The following IFT57 variants were observed in gnomAD, a reference collection of about 807,000 sequenced individuals.
IFT57 encodes intraflagellar transport protein 57 homolog.
A neutral mutation model predicts 56.8 loss-of-function variants in IFT57; 59 were observed. The observed-to-expected ratio is 1.04, with a 90% CI of 0.84 to 1.29. IFT57 has a LOEUF of 1.29. IFT57 is among the 50% of genes most tolerant of loss of function. The pLI, the probability that IFT57 is intolerant of heterozygous loss-of-function variation, is 0.00. For synonymous variants in IFT57, 209 were observed against 186.1 expected (o/e 1.12, Z -1.00); for missense variants, 470 against 522.1 (o/e 0.90, Z 0.97).
intron 3 of IFT57, among the ~76,000 whole-genome samples, chr3:108,217,694 G>A (rs2080380195): frequency 6.7e-6 from 1 of 149,946 alleles, no homozygotes; most frequent in Admixed American, 6.7e-5. Flanking sequence ...GTGTGTGTGT[G>A]TATATAATCT....
In IFT57 at chr3:108,206,714, T is replaced by A. The variant is rs534508620; in HGVS notation, c.586-18A>T. The A allele has an allele frequency of 2.0e-5, 18 of 905,350 alleles. No individual in the cohort carries two copies. The South Asian group carries it at 5.0e-4, about 25-fold the overall frequency. The allele number at this position is 905,350 out of a possible 1,614,324, so 56.1% of individuals were successfully genotyped here. ...TCTTCTTCCTTAGAAAATAAATTTTTAAAAAATTATTAAAAATTATAATTA... is the reference window on the plus strand; with the variant it reads ...TCTTCTTCCTTAGAAAATAAATTTTAAAAAAATTATTAAAAATTATAATTA... On this transcript the variant is annotated intron_variant, in intron 4 of 10. Transcript: ENST00000264538.
intron 9 of IFT57, among the ~76,000 whole-genome samples, chr3:108,164,920 T>C (rs1398617177): frequency 1.3e-5 from 2 of 152,048 alleles, no homozygotes; most frequent in East Asian, 1.9e-4. Context: ...TATCAGGTCC[T>C]ACCTCTCTTG....
intron 1 of IFT57, among the ~76,000 whole-genome samples, chr3:108,220,690 C>T (rs1213415640): frequency 3.0e-5 from 4 of 135,296 alleles, no homozygotes; most frequent in South Asian, 5.1e-4. Context: ...CCATCAGAAT[C>T]ATCTGGAAGG....
intron 6 of IFT57, among the ~76,000 whole-genome samples, chr3:108,176,436 A>C (rs2080124421): frequency 6.6e-6 from 1 of 151,848 alleles, no homozygotes; most frequent in Non-Finnish European, 1.5e-5. Context: ...TAGGTTTTCT[A>C]TTACATCAAG....
At position 108,191,491 on chromosome 3, in the gene IFT57, T is replaced by C. The variant is rs371760728; in HGVS notation, c.777+30A>G. On this transcript the variant is annotated intron_variant, in intron 6 of 10. Transcript: ENST00000264538. ...AAGTTTCCTTATAACTTTTTTTTTTTTTTAAGAAAATGTGTTCCCACTTTG... is the reference window on the plus strand; with the variant it reads ...AAGTTTCCTTATAACTTTTTTTTTTCTTTAAGAAAATGTGTTCCCACTTTG... The C allele has an allele frequency of 6.6e-6, 10 of 1,522,570 alleles. No homozygotes were observed. The African/African-American group carries it at 1.4e-4, about 22-fold the overall frequency. The allele number at this position is 1,522,570 out of a possible 1,614,324, so 94.3% of individuals were successfully genotyped here. A position where few individuals can be genotyped will look rare whatever the true frequency, so the allele number is the denominator to read the frequency against.
chr3:108,200,328 G>C (rs1237754752), intron 5 of IFT57, among the ~76,000 whole-genome samples: 1 of 152,160 alleles, frequency 6.6e-6, no homozygotes, highest in African/African-American at 2.4e-5. Context: ...GACAGCTGAA[G>C]GGATGGATAT....
At chr3:108,221,981 TC>T in intron 1 of IFT57, 129 bp downstream of exon 1, 1 of 1,480,690 alleles carries the variant, frequency 6.8e-7, no homozygotes, top group East Asian at 2.5e-5. Flanking sequence ...GAAGTGCCCT[TC>T]CCTGGCTAGG....
chr3:108,220,386 T>A (rs957618465), intron 1 of IFT57, among the ~76,000 whole-genome samples: 1 of 152,252 alleles, frequency 6.6e-6, no homozygotes, highest in African/African-American at 2.4e-5. Flanking sequence ...ATCATTATTA[T>A]GTTTACAATG....
chr3:108,172,348 GAA>G (rs2080098378), intron 6 of IFT57, among the ~76,000 whole-genome samples: 1 of 151,860 alleles, frequency 6.6e-6, no homozygotes, highest in African/African-American at 2.4e-5. Context: ...TGGATCACAA[GAA>G]AATAAAGCTG....
chr3:108,220,252 A>G (rs2080397967), intron 1 of IFT57, among the ~76,000 whole-genome samples: 1 of 152,242 alleles, frequency 6.6e-6, no homozygotes, highest in Non-Finnish European at 1.5e-5. Flanking sequence ...CCCCTAGTCT[A>G]CTAAACACAG....
chr3:108,186,742 C>T (rs2080185547), intron 6 of IFT57, among the ~76,000 whole-genome samples: 1 of 152,102 alleles, frequency 6.6e-6, no homozygotes, highest in Non-Finnish European at 1.5e-5. Flanking sequence ...ACTTCTTCTG[C>T]CTCTGCCACC....
At chr3:108,178,345 CTG>C (rs2080134901) in intron 6 of IFT57, among the ~76,000 whole-genome samples, 1 of 151,794 alleles carries the variant, frequency 6.6e-6, no homozygotes. Flanking sequence ...AGAAAACAGT[CTG>C]AGAATATCTT....
At chr3:108,192,081 A>G (rs912137887) in intron 5 of IFT57, among the ~76,000 whole-genome samples, 12 of 148,982 alleles carry the variant, frequency 8.1e-5, no homozygotes, top group African/African-American at 2.9e-4. Context: ...CTGAGGCAGG[A>G]GAATGGAGTA....
At chr3:108,220,937 A>G (rs1034496) in intron 1 of IFT57, among the ~76,000 whole-genome samples, 7 of 152,282 alleles carry the variant, frequency 4.6e-5, no homozygotes, top group Admixed American at 3.9e-4. Flanking sequence ...AACCTTAAGG[A>G]CATTTTGTTT....
chr3:108,183,718 C>A (rs943517154), intron 6 of IFT57, among the ~76,000 whole-genome samples: 1 of 152,060 alleles, frequency 6.6e-6, no homozygotes, highest in African/African-American at 2.4e-5. Flanking sequence ...GTCTCACTTG[C>A]GTGGTCTCCA....
At chr3:108,187,750 A>G (rs887709667) in intron 6 of IFT57, among the ~76,000 whole-genome samples, 1 of 152,054 alleles carries the variant, frequency 6.6e-6, no homozygotes, top group Admixed American at 6.6e-5. Flanking sequence ...GTCCTTTACT[A>G]CTTGTCTCTC....
At chr3:108,221,878 T>A (rs2080407855) in intron 1 of IFT57, 1 of 741,172 alleles carries the variant, frequency 1.3e-6, no homozygotes, top group Admixed American at 3.3e-5. Flanking sequence ...TGTCTTCCGA[T>A]CCTTTCTGCC....
At chr3:108,189,404 A>C (rs192715040) in intron 6 of IFT57, among the ~76,000 whole-genome samples, 1 of 152,320 alleles carries the variant, frequency 6.6e-6, no homozygotes, top group Admixed American at 6.5e-5. Flanking sequence ...TCAAATGGAG[A>C]CATTCTAAGA....
chr3:108,162,774 A>T (rs1416462600), intron 10 of IFT57, 119 bp from the exon 11 acceptor site: 1 of 738,734 alleles, frequency 1.4e-6, no homozygotes, highest in Non-Finnish European at 2.0e-6. Flanking sequence ...AAATATAGCC[A>T]AAAACTTACT....
Sources: allele counts gnomAD v4.1 joint callset (sites outside exome capture counted in the v4.1 genomes callset), GRCh38; gene constraint gnomAD v4.1.1; transcripts MANE v1.5; gene names NCBI Gene and HGNC (gene_info 2026-07-23, HGNC 2026-07-21).